Variants in ZSWIM6 observed in about 807,000 individuals in gnomAD.
ZSWIM6 encodes zinc finger SWIM-type containing 6.
In ZSWIM6, 9 loss-of-function variants were observed where a neutral mutation model predicts 113.2. That is an observed-to-expected ratio of 0.08 (90% CI 0.05 to 0.14). ZSWIM6 has a LOEUF of 0.14. Ranked by LOEUF, ZSWIM6 falls within the 10% of genes least tolerant of loss-of-function variation. The pLI is 1.00. For synonymous variants in ZSWIM6, 611 were observed against 606.5 expected (o/e 1.01, Z -0.11); for missense variants, 1,162 against 1,552.2 (o/e 0.75, Z 4.22).
chr5:61,530,212 C>T lies in ZSWIM6; in HGVS notation c.1984+14C>T. On this transcript the variant is annotated intron_variant, in intron 8 of 13. Transcript: ENST00000252744. ...CAGATTTTACAGGTAAAACCATTGA[C>T]ATTTGTCTCATGTGCTTTTCTTTTT... is the stretch of plus-strand genomic sequence containing the variant. 3 of 1,540,094 alleles carry T rather than the reference C, an allele frequency of 1.9e-6. No homozygotes were observed. The highest frequency in any genetic ancestry group is 1.4e-5 in the African/African-American group (1 of 72,624).
At chr5:61,333,009 G>T (rs1186677424) in intron 1 of ZSWIM6, 61 bp downstream of exon 1, 3 of 439,814 alleles carry the variant, frequency 6.8e-6, no homozygotes, top group Non-Finnish European at 6.4e-6. Context: ...TGGGGGGGGG[G>T]TGCCCGCCTT....
intron 7 of ZSWIM6, among the ~76,000 whole-genome samples, chr5:61,528,436 A>G (rs1364110098): frequency 6.6e-6 from 1 of 151,904 alleles, no homozygotes; most frequent in East Asian, 1.9e-4. Context: ...ATGCAAACAT[A>G]TTTATTTGGT....
chr5:61,520,960 T>C (rs1749100133), intron 4 of ZSWIM6, among the ~76,000 whole-genome samples: 1 of 152,082 alleles, frequency 6.6e-6, no homozygotes, highest in African/African-American at 2.4e-5. Context: ...GTATATTTTA[T>C]TATGTAAGAG....
chr5:61,336,393 A>G (rs991198400), intron 1 of ZSWIM6, among the ~76,000 whole-genome samples: 7 of 152,162 alleles, frequency 4.6e-5, no homozygotes, highest in African/African-American at 1.4e-4. Flanking sequence ...TCCCCAAGTT[A>G]TTTTCTGGCG....
chr5:61,521,543 A>C lies in ZSWIM6; in HGVS notation c.1513+101A>C, dbSNP rs574436802. The C allele has an allele frequency of 5.3e-5, 51 of 968,990 alleles. No homozygotes were observed. The South Asian group carries it at 1.4e-3, about 27-fold the overall frequency. The allele number at this position is 968,990 out of a possible 1,614,324, so 60.0% of individuals were successfully genotyped here. The stretch of plus-strand genomic sequence containing the variant: ...TGTATATGGGAAAATGATTTTACCA[A>C]CTTAAGAACTTACAACTCCAGTACT... On this transcript the variant is annotated intron_variant, in intron 5 of 13. Coordinates refer to ENST00000252744, the MANE Select transcript of ZSWIM6 (RefSeq NM_020928.2).
chr5:61,418,965 G>A (rs1246485710), intron 1 of ZSWIM6, among the ~76,000 whole-genome samples: 3 of 152,204 alleles, frequency 2.0e-5, no homozygotes, highest in Admixed American at 6.5e-5. Flanking sequence ...GGGACTACAG[G>A]TGTGCGCCGC....
chr5:61,498,272 T>C (rs1748374415), intron 4 of ZSWIM6, among the ~76,000 whole-genome samples: 1 of 152,198 alleles, frequency 6.6e-6, no homozygotes, highest in Non-Finnish European at 1.5e-5. Flanking sequence ...TAACTTTCTC[T>C]CGGAGCTGAG....
chr5:61,480,566 A>C (rs1045130170), intron 2 of ZSWIM6, among the ~76,000 whole-genome samples: 5 of 152,230 alleles, frequency 3.3e-5, no homozygotes, highest in Non-Finnish European at 7.3e-5. Flanking sequence ...ATGGAAGGTG[A>C]CTAAAGATCT....
chr5:61,465,691 G>A (rs981199880), intron 1 of ZSWIM6, among the ~76,000 whole-genome samples: 3 of 152,210 alleles, frequency 2.0e-5, no homozygotes, highest in East Asian at 3.9e-4. Context: ...TGCATGCTCC[G>A]TAAATTTTTA....
chr5:61,370,389 C>T (rs1053697268), intron 1 of ZSWIM6, among the ~76,000 whole-genome samples: 8 of 152,174 alleles, frequency 5.3e-5, no homozygotes, highest in Admixed American at 4.6e-4. Flanking sequence ...TGTTTTTCCT[C>T]CTTGTATTTC....
At chr5:61,405,543 A>G (rs1468884964) in intron 1 of ZSWIM6, among the ~76,000 whole-genome samples, 2 of 147,548 alleles carry the variant, frequency 1.4e-5, no homozygotes, top group East Asian at 3.9e-4. Context: ...CTGAGCCTTT[A>G]AAAATAAGAG....
chr5:61,366,977 C>T (rs1745169582), intron 1 of ZSWIM6, among the ~76,000 whole-genome samples: 1 of 148,538 alleles, frequency 6.7e-6, no homozygotes, highest in Non-Finnish European at 1.5e-5. Flanking sequence ...TATACAGGCA[C>T]ATCCCCAGAC....
intron 1 of ZSWIM6, among the ~76,000 whole-genome samples, chr5:61,434,213 TA>T (rs944692818): frequency 1.4e-4 from 20 of 147,824 alleles, no homozygotes; most frequent in African/African-American, 2.0e-4. Context: ...ATAATATATA[TA>T]AAAATATGTA....
rs764698209 is a variant in ZSWIM6 at position 61,332,683 on chromosome 5, C to G, written c.411C>G (p.Pro137=). 24 of 1,077,818 alleles carry G rather than the reference C, an allele frequency of 2.2e-5. 1 individual carries two copies. The highest frequency in any genetic ancestry group is 1.3e-4 in the South Asian group (5 of 38,682). The allele number at this position is 1,077,818 out of a possible 1,614,324, so 66.8% of individuals were successfully genotyped here. A position where few individuals can be genotyped will look rare whatever the true frequency, so the allele number is the denominator to read the frequency against. The change falls in exon 1 of 14, where the codon CCC becomes CCG. Residue 137 remains proline, a synonymous_variant. Transcript: ENST00000252744. ...FNTGGGAAGG[P]GDDSGGGGGA... Reference sequence around the variant, plus strand: ...CCGGCGGCGGCGCCGCGGGCGGCCCCGGCGACGACAGCGGTGGCGGCGGCG... The same window carrying G: ...CCGGCGGCGGCGCCGCGGGCGGCCCGGGCGACGACAGCGGTGGCGGCGGCG...
intron 1 of ZSWIM6, among the ~76,000 whole-genome samples, chr5:61,357,443 C>A (rs1420374819): frequency 6.6e-6 from 1 of 151,990 alleles, no homozygotes; most frequent in Non-Finnish European, 1.5e-5. Context: ...GGAAGCAATG[C>A]AGCCATTGCT....
Position 61,332,344 on chromosome 5 carries a change from C to CGGCGGG in ZSWIM6, c.74_75insCGGGGG (p.Gly25_Gly26dup). On this transcript the variant is annotated inframe_insertion, in exon 1 of 14. Transcript: ENST00000252744. ...GCCGGCCGGGCGGCGGCGGCGGCGG[C>CGGCGGG]GGGGGCAGCAGCGGCGGCGGCGGCG... 2.9e-6 allele frequency: 3 copies of CGGCGGG among 1,045,308 alleles called. No homozygotes were observed. The highest frequency in any genetic ancestry group is 3.5e-6 in the Non-Finnish European group (3 of 854,960). 64.8% of individuals were successfully genotyped at this position (1,045,308 alleles called of 1,614,324 possible).
At chr5:61,374,468 A>G (rs114891058) in intron 1 of ZSWIM6, among the ~76,000 whole-genome samples, 1,765 of 152,330 alleles carry the variant, frequency 0.012, 30 homozygotes, top group African/African-American at 0.039. Flanking sequence ...TTGGACCCAT[A>G]CTAATGAAAT....
intron 2 of ZSWIM6, among the ~76,000 whole-genome samples, chr5:61,478,874 A>G (rs768986102): frequency 2.0e-5 from 3 of 152,194 alleles, no homozygotes; most frequent in Admixed American, 6.5e-5. Context: ...TGATGTTTCT[A>G]TAAGAATGGT....
intron 1 of ZSWIM6, among the ~76,000 whole-genome samples, chr5:61,414,853 A>T (rs528009919): frequency 5.9e-5 from 9 of 152,330 alleles, no homozygotes; most frequent in African/African-American, 2.2e-4. Flanking sequence ...ATTTTTCCTT[A>T]AGAGATTTTA....
Sources: gnomAD v4.1 joint callset for allele counts (sites outside exome capture counted in the v4.1 genomes callset) on GRCh38, gnomAD v4.1.1 for gene constraint, MANE v1.5 for transcripts, NCBI Gene and HGNC (gene_info 2026-07-23, HGNC 2026-07-21) for gene names.